Variants in CHST9 observed in about 807,000 individuals in gnomAD.
CHST9 encodes the protein GalNAc-4-sulfotransferase 2.
A neutral mutation model predicts 44.4 loss-of-function variants in CHST9; 41 were observed. The ratio of observed to expected loss-of-function variants is 0.92; its 90% CI spans 0.72 to 1.20. The LOEUF is 1.20. Ranked by LOEUF, CHST9 falls within the 50% of genes most tolerant of loss-of-function variation. The probability of loss-of-function intolerance (pLI) is 0.00; values close to 1 mark genes in which losing one functional copy is unlikely to be tolerated. For synonymous variants in CHST9, 171 were observed against 178.4 expected, an observed-to-expected ratio of 0.96 and a Z score of 0.33; for missense variants, 504 against 516.5, an observed-to-expected ratio of 0.98 and a Z score of 0.23.
At chr18:27,086,768 C>G (rs906626413) in intron 2 of CHST9, among the ~76,000 whole-genome samples, 1 of 151,862 alleles carries the variant, frequency 6.6e-6, no homozygotes, top group Non-Finnish European at 1.5e-5. Context: ...AGTGAGTATA[C>G]TATATACACT....
chr18:26,954,381 C>T (rs1249094753), intron 4 of CHST9, among the ~76,000 whole-genome samples: 1 of 152,088 alleles, frequency 6.6e-6, no homozygotes, highest in Non-Finnish European at 1.5e-5. Flanking sequence ...ATTTGTTGAG[C>T]CCATCAACAT....
intron 3 of CHST9, among the ~76,000 whole-genome samples, chr18:27,029,419 C>G (rs1305663612): frequency 6.6e-6 from 1 of 152,024 alleles, no homozygotes; most frequent in Non-Finnish European, 1.5e-5. Flanking sequence ...ACAGAAGAAC[C>G]CATGATGCAA....
intron 4 of CHST9, among the ~76,000 whole-genome samples, chr18:26,959,298 G>A (rs1046073198): frequency 2.6e-5 from 4 of 152,086 alleles, no homozygotes; most frequent in African/African-American, 9.7e-5. Context: ...GGAAACAATC[G>A]ACACTGAAGA....
At chr18:26,970,737 A>G (rs2056531528) in intron 4 of CHST9, among the ~76,000 whole-genome samples, 1 of 152,156 alleles carries the variant, frequency 6.6e-6, no homozygotes, top group South Asian at 2.1e-4. Flanking sequence ...TGAGGAAGGT[A>G]TCATCATAAT....
At position 26,915,189 on chromosome 18, in the gene CHST9, T is replaced by G. The variant is rs762006808; in HGVS notation, c.*1070A>C. On this transcript the variant is annotated 3_prime_UTR_variant, in exon 6 of 6. Coordinates refer to ENST00000618847, the MANE Select transcript of CHST9 (RefSeq NM_031422.6). ...TATGCATAAGCCTATTAAACACATT[T>G]CTAGGGGCTCTTTTTATGTTTATTC... 9.6e-5 allele frequency: 37 copies of G among 384,410 alleles called. No individual in the cohort carries two copies. Among genetic ancestry groups the G allele is most frequent in the Non-Finnish European group, 1.4e-4 (31 of 217,826 alleles). 23.8% of individuals were successfully genotyped at this position (384,410 alleles called of 1,614,324 possible).
intron 2 of CHST9, among the ~76,000 whole-genome samples, chr18:27,133,885 C>A (rs558729314): frequency 6.6e-6 from 1 of 152,072 alleles, no homozygotes; most frequent in African/African-American, 2.4e-5. Flanking sequence ...CGAGGTGTGG[C>A]GCTGTCCAGA....
chr18:27,087,126 T>G (rs1334437389), intron 2 of CHST9, among the ~76,000 whole-genome samples: 7 of 152,182 alleles, frequency 4.6e-5, no homozygotes, highest in African/African-American at 1.7e-4. Context: ...AATCATATAA[T>G]AATAAAACTA....
intron 2 of CHST9, among the ~76,000 whole-genome samples, chr18:27,102,029 G>A (rs1185024004): frequency 1.3e-5 from 2 of 152,200 alleles, no homozygotes; most frequent in Admixed American, 6.5e-5. Context: ...AGTTGCAACT[G>A]GGCTTCTGCA....
chr18:26,992,943 T>C (rs547802757), intron 4 of CHST9, among the ~76,000 whole-genome samples: 7 of 152,322 alleles, frequency 4.6e-5, no homozygotes, highest in Admixed American at 3.3e-4. Context: ...TTTTGTTTAG[T>C]TGAAGTTTTC....
At chr18:26,943,790 A>G (rs1281333071) in intron 5 of CHST9, among the ~76,000 whole-genome samples, 1 of 152,198 alleles carries the variant, frequency 6.6e-6, no homozygotes, top group Non-Finnish European at 1.5e-5. Context: ...ACAAAAATAG[A>G]TCAGTAAGAA....
intron 5 of CHST9, among the ~76,000 whole-genome samples, chr18:26,942,268 G>C (rs1298837373): frequency 3.3e-5 from 5 of 152,174 alleles, no homozygotes; most frequent in Non-Finnish European, 7.3e-5. Context: ...ATTCTTGAGA[G>C]TGGGGAGCAC....
intron 2 of CHST9, among the ~76,000 whole-genome samples, chr18:27,098,686 G>A (rs2143741962): frequency 6.6e-6 from 1 of 152,200 alleles, no homozygotes. Context: ...ATCATTCTCA[G>A]CAAACTAACA....
In CHST9 at chr18:26,916,759, A is replaced by G; in HGVS notation, c.832T>C (p.Phe278Leu). The G allele has an allele frequency of 1.9e-6, 3 of 1,613,888 alleles. No homozygotes were observed. Among genetic ancestry groups the G allele is most frequent in the Non-Finnish European group, 2.5e-6 (3 of 1,179,846 alleles). Residue 278 changes from phenylalanine (F) to leucine (L), a missense_variant, in exon 6 of 6, where the codon TTT becomes CTT. Coordinates refer to ENST00000618847, the MANE Select transcript of CHST9 (RefSeq NM_031422.6). The stretch of plus-strand genomic sequence containing the variant: ...AATCTTTCCATGGGATCACGAACAA[A>G]CACAGCTTTGGTGTAAGTATTTAAG... ...TRLNTYTKAV[F>L]VRDPMERLVS... is the part of the protein sequence containing the mutation.
At chr18:27,028,237 A>G (rs1422779933) in intron 3 of CHST9, among the ~76,000 whole-genome samples, 1 of 151,938 alleles carries the variant, frequency 6.6e-6, no homozygotes. Flanking sequence ...ATTTTTAGTA[A>G]CTCAATTTTA....
intron 2 of CHST9, among the ~76,000 whole-genome samples, chr18:27,101,008 GCTC>G (rs1483904781): frequency 6.6e-6 from 1 of 152,074 alleles, no homozygotes; most frequent in Non-Finnish European, 1.5e-5. Flanking sequence ...TTGCTTTAAT[GCTC>G]CTTTTTAAGG....
At chr18:27,158,205 C>T (rs921720768) in intron 1 of CHST9, among the ~76,000 whole-genome samples, 1 of 152,078 alleles carries the variant, frequency 6.6e-6, no homozygotes. Flanking sequence ...CTGCACCCAT[C>T]AACTCATCAT....
At chr18:27,057,978 G>T (rs1485680342) in intron 2 of CHST9, among the ~76,000 whole-genome samples, 3 of 152,164 alleles carry the variant, frequency 2.0e-5, no homozygotes, top group Non-Finnish European at 4.4e-5. Context: ...TCCCAACATT[G>T]GTCTGGCTGA....
intron 1 of CHST9, among the ~76,000 whole-genome samples, chr18:27,182,699 A>G (rs2058922231): frequency 6.6e-6 from 1 of 152,230 alleles, no homozygotes; most frequent in Non-Finnish European, 1.5e-5. Context: ...ATCTTGCTTT[A>G]TTGATGACAT....
chr18:26,923,469 T>G (rs1204116826), intron 5 of CHST9, among the ~76,000 whole-genome samples: 1 of 152,246 alleles, frequency 6.6e-6, no homozygotes, highest in African/African-American at 2.4e-5. Context: ...TGAATTTGAT[T>G]GAAGCAAAGA....
Sources: allele counts gnomAD v4.1 joint callset (sites outside exome capture counted in the v4.1 genomes callset), GRCh38; gene constraint gnomAD v4.1.1; transcripts MANE v1.5; gene names NCBI Gene and HGNC (gene_info 2026-07-23, HGNC 2026-07-21).